Variants in DLGAP1 observed in about 807,000 individuals in gnomAD.
DLGAP1 encodes disks large-associated protein 1.
DLGAP1 carries 11 observed loss-of-function variants against 90.8 expected under a neutral mutation model. The observed-to-expected ratio is 0.12, with a 90% CI of 0.08 to 0.20. DLGAP1 has a LOEUF of 0.20. DLGAP1 is among the 10% of genes least tolerant of loss of function. DLGAP1 has a pLI of 1.00. For synonymous variants in DLGAP1, 558 were observed against 540.7 expected, an observed-to-expected ratio of 1.03 and a Z score of -0.44; for missense variants, 1,050 against 1,333.8, an observed-to-expected ratio of 0.79 and a Z score of 3.31.
At chr18:3,749,446 C>A (rs1257829923) in intron 5 of DLGAP1, among the ~76,000 whole-genome samples, 2 of 152,100 alleles carry the variant, frequency 1.3e-5, no homozygotes, top group Admixed American at 1.3e-4. Flanking sequence ...AGCCACTGCG[C>A]CCGGCCAACA....
At chr18:3,672,225 C>T (rs2060113438) in intron 7 of DLGAP1, among the ~76,000 whole-genome samples, 2 of 151,650 alleles carry the variant, frequency 1.3e-5, no homozygotes, top group African/African-American at 4.8e-5. Context: ...CACACACACA[C>T]ACACACACAC....
intron 1 of DLGAP1, among the ~76,000 whole-genome samples, chr18:4,362,449 TAC>T (rs1218727404): frequency 6.6e-6 from 1 of 152,192 alleles, no homozygotes; most frequent in Non-Finnish European, 1.5e-5. Flanking sequence ...TTGAGGATAT[TAC>T]ACTAAGTGAA....
chr18:4,095,959 T>C (rs1404086300), intron 2 of DLGAP1, among the ~76,000 whole-genome samples: 1 of 152,144 alleles, frequency 6.6e-6, no homozygotes, highest in Non-Finnish European at 1.5e-5. Context: ...AGAGCCTGTG[T>C]TTACCTGAAA....
chr18:3,610,147 A>T (rs1347441284), intron 7 of DLGAP1, among the ~76,000 whole-genome samples: 1 of 152,100 alleles, frequency 6.6e-6, no homozygotes, highest in Non-Finnish European at 1.5e-5. Flanking sequence ...AGAGGGCTTT[A>T]AAAAAACTAA....
intron 2 of DLGAP1, among the ~76,000 whole-genome samples, chr18:4,035,421 T>C (rs1662527698): frequency 6.6e-6 from 1 of 152,178 alleles, no homozygotes; most frequent in Non-Finnish European, 1.5e-5. Flanking sequence ...GGATTAAAGA[T>C]ACTGAAATAT....
chr18:4,080,720 T>A (rs2075593473), intron 2 of DLGAP1, among the ~76,000 whole-genome samples: 1 of 152,140 alleles, frequency 6.6e-6, no homozygotes, highest in Non-Finnish European at 1.5e-5. Flanking sequence ...CTCCCTCCCA[T>A]AACCTGTCTT....
intron 1 of DLGAP1, among the ~76,000 whole-genome samples, chr18:4,333,396 C>T (rs887653721): frequency 4.0e-5 from 6 of 151,714 alleles, no homozygotes; most frequent in Non-Finnish European, 7.4e-5. Context: ...GTGCTTTTCA[C>T]GATTCTACTC....
intron 12 of DLGAP1, among the ~76,000 whole-genome samples, chr18:3,500,012 A>C (rs1412306527): frequency 1.3e-5 from 2 of 152,172 alleles, no homozygotes; most frequent in African/African-American, 4.8e-5. Flanking sequence ...TACAATATAC[A>C]GGGTCACGGG....
intron 1 of DLGAP1, among the ~76,000 whole-genome samples, chr18:4,381,199 TTGTA>T (rs1175508593): frequency 6.6e-6 from 1 of 152,204 alleles, no homozygotes; most frequent in Non-Finnish European, 1.5e-5. Context: ...AAGTTTGACT[TTGTA>T]TGGCCATTCT....
chr18:4,140,985 G>T (rs955978971), intron 2 of DLGAP1, among the ~76,000 whole-genome samples: 2 of 151,872 alleles, frequency 1.3e-5, no homozygotes, highest in African/African-American at 4.8e-5. Context: ...ACCTTTGGAA[G>T]TTTGACTACT....
intron 7 of DLGAP1, among the ~76,000 whole-genome samples, chr18:3,720,895 A>AAAAAAAAAAAAAAAAAAAAAG (rs2061953800): frequency 7.1e-6 from 1 of 140,408 alleles, no homozygotes; most frequent in African/African-American, 2.9e-5. Flanking sequence ...CTACAAAAAA[A>AAAAAAAAAAAAAAAAAAAAAG]AAAAAAAAAA....
intron 7 of DLGAP1, among the ~76,000 whole-genome samples, chr18:3,696,474 G>T (rs559744326): frequency 6.6e-6 from 1 of 152,258 alleles, no homozygotes; most frequent in African/African-American, 2.4e-5. Flanking sequence ...TTTGTCATTG[G>T]TTCTGTTTAT....
At chr18:3,898,086 G>A (rs1024535542) in intron 3 of DLGAP1, among the ~76,000 whole-genome samples, 2 of 152,114 alleles carry the variant, frequency 1.3e-5, no homozygotes, top group African/African-American at 2.4e-5. Context: ...GAGCCACTGC[G>A]CCCGGCCGAA....
intron 9 of DLGAP1, among the ~76,000 whole-genome samples, chr18:3,566,740 C>A (rs1279758028): frequency 6.6e-6 from 1 of 152,120 alleles, no homozygotes; most frequent in African/African-American, 2.4e-5. Context: ...CTCACCGTAA[C>A]TCCAGTTTTA....
chr18:4,292,465 T>C (rs1332308140), intron 1 of DLGAP1, among the ~76,000 whole-genome samples: 2 of 152,122 alleles, frequency 1.3e-5, no homozygotes, highest in African/African-American at 4.8e-5. Context: ...TAGTAAAATA[T>C]GAGCATTTCC....
At chr18:3,831,568 C>T (rs981519682) in intron 4 of DLGAP1, among the ~76,000 whole-genome samples, 1 of 152,210 alleles carries the variant, frequency 6.6e-6, no homozygotes, top group African/African-American at 2.4e-5. Flanking sequence ...AATTCAACTC[C>T]TTTTCTTCAC....
At chr18:4,389,231 C>A (rs1342257488) in intron 1 of DLGAP1, among the ~76,000 whole-genome samples, 1 of 152,138 alleles carries the variant, frequency 6.6e-6, no homozygotes, top group Non-Finnish European at 1.5e-5. Flanking sequence ...ACCTTGAGAA[C>A]ATTATACTAA....
chr18:3,680,021 C>G (rs538189037), intron 7 of DLGAP1: 2 of 152,050 alleles, frequency 1.3e-5, no homozygotes, highest in African/African-American at 4.8e-5. Flanking sequence ...CTATTTCCCA[C>G]GAGAATAGCA....
chr18:4,054,414 C>A (rs111967259), intron 2 of DLGAP1, among the ~76,000 whole-genome samples: 1 of 152,164 alleles, frequency 6.6e-6, no homozygotes, highest in African/African-American at 2.4e-5. Flanking sequence ...TGAAAAGAAT[C>A]ATTGTTCTGC....
Sources: gnomAD v4.1 joint callset for allele counts (sites outside exome capture counted in the v4.1 genomes callset) on GRCh38, gnomAD v4.1.1 for gene constraint, MANE v1.5 for transcripts, NCBI Gene and HGNC (gene_info 2026-07-23, HGNC 2026-07-21) for gene names.